Variants in BANP observed in about 807,000 individuals in gnomAD.
BANP encodes BTG3 associated nuclear protein.
Under a neutral mutation model 68.1 loss-of-function variants are expected in BANP, and 11 were observed. The ratio of observed to expected loss-of-function variants is 0.16; its 90% CI spans 0.10 to 0.27. BANP has a LOEUF of 0.27. Among genes scored for constraint, BANP ranks in the 10% least tolerant of loss-of-function variants. The pLI is 1.00. For synonymous variants in BANP, 329 were observed against 303.2 expected, an observed-to-expected ratio of 1.09 and a Z score of -0.88; for missense variants, 504 against 722.7, an observed-to-expected ratio of 0.70 and a Z score of 3.47.
At chr16:87,971,307 C>T (rs2061079304) in intron 1 of BANP, among the ~76,000 whole-genome samples, 1 of 152,128 alleles carries the variant, frequency 6.6e-6, no homozygotes, top group Admixed American at 6.5e-5. Flanking sequence ...GCTCCGCTAG[C>T]CGCTCTTCCC....
chr16:88,037,436 T>C (rs1353958366), intron 10 of BANP: 4 of 154,410 alleles, frequency 2.6e-5, no homozygotes, highest in African/African-American at 9.6e-5. Flanking sequence ...ACAGGATATC[T>C]GCAAATAAAC....
chr16:87,968,497 A>T (rs2060516619), intron 1 of BANP, among the ~76,000 whole-genome samples: 1 of 151,304 alleles, frequency 6.6e-6, no homozygotes, highest in South Asian at 2.1e-4. Context: ...AAAAAAAAAA[A>T]ATAAGTTTAG....
chr16:88,075,930 G>T (rs1377589934), intron 13 of BANP, among the ~76,000 whole-genome samples: 2 of 151,786 alleles, frequency 1.3e-5, no homozygotes, highest in African/African-American at 4.8e-5. Flanking sequence ...ATTTATTGTA[G>T]AGACGAGGTT....
chr16:88,006,305 C>A, intron 6 of BANP, 40 bp downstream of exon 6: 2 of 1,537,912 alleles, frequency 1.3e-6, no homozygotes, highest in South Asian at 1.2e-5. Flanking sequence ...AGCGCCAGTA[C>A]AATTGTTTGT....
At chr16:88,054,309 A>C (rs2084362585) in intron 11 of BANP, among the ~76,000 whole-genome samples, 2 of 82,412 alleles carry the variant, frequency 2.4e-5, no homozygotes, top group African/African-American at 3.9e-5. Context: ...TCACCAACAC[A>C]ACCACCTTCA....
At chr16:88,075,208 T>C (rs945680897) in intron 13 of BANP, among the ~76,000 whole-genome samples, 1 of 152,062 alleles carries the variant, frequency 6.6e-6, no homozygotes, top group African/African-American at 2.4e-5. Context: ...TAGCCAGGCA[T>C]GGTGGCAGGT....
chr16:88,045,334 T>C (rs1366968348), intron 11 of BANP, among the ~76,000 whole-genome samples: 1 of 152,246 alleles, frequency 6.6e-6, no homozygotes, highest in Non-Finnish European at 1.5e-5. Flanking sequence ...CATGCCCCTC[T>C]ACGCCATCCA....
chr16:88,012,941 C>T (rs1195112527), intron 6 of BANP, among the ~76,000 whole-genome samples: 1 of 151,810 alleles, frequency 6.6e-6, no homozygotes, highest in Admixed American at 6.5e-5. Context: ...TTCCCTTTTT[C>T]CCGACAGTAG....
intron 1 of BANP, among the ~76,000 whole-genome samples, chr16:87,955,545 G>A (rs1026275781): frequency 2.0e-5 from 3 of 152,180 alleles, no homozygotes; most frequent in Non-Finnish European, 4.4e-5. Flanking sequence ...TCGAACTTCG[G>A]TTTTGCACCA....
At chr16:88,058,668 C>T (rs1293603701) in intron 11 of BANP, among the ~76,000 whole-genome samples, 1 of 152,094 alleles carries the variant, frequency 6.6e-6, no homozygotes, top group East Asian at 1.9e-4. Flanking sequence ...GTGTGTCCTG[C>T]CCCGGGGTTT....
intron 11 of BANP, among the ~76,000 whole-genome samples, chr16:88,055,833 C>T (rs1481941589): frequency 1.3e-5 from 2 of 152,072 alleles, no homozygotes; most frequent in African/African-American, 2.4e-5. Flanking sequence ...CATGCCAAAA[C>T]ACAAGCAGAA....
At position 87,995,540 on chromosome 16, in the gene BANP, T is replaced by C. The variant is rs73244811; in HGVS notation, c.363-8755T>C. On this transcript the variant is annotated intron_variant, in intron 4 of 13. Coordinates refer to ENST00000682872, the MANE Select transcript of BANP (RefSeq NM_001386991.1). ...AAATACTTTTCCTTGAGAGAATTCA[T>C]AAAAATTAGAAAAGTAGTATCAGCT... is the stretch of plus-strand genomic sequence containing the variant. Among the ~76,000 whole-genome samples, 1,507 of 152,338 alleles carry C rather than the reference T, an allele frequency of 9.9e-3. 19 individuals are homozygous for C. Among genetic ancestry groups the C allele is most frequent in the African/African-American group, 0.034 (1,395 of 41,564 alleles).
chr16:88,064,587 C>G lies in BANP; in HGVS notation c.1312-680C>G, dbSNP rs1247917724. 2.0e-5 allele frequency among the ~76,000 whole-genome samples: 3 copies of G among 152,242 alleles called. No individual in the cohort carries two copies. The highest frequency in any genetic ancestry group is 7.2e-5 in the African/African-American group (3 of 41,466). ...GAGGAGAGGGCATCGCCAGGCTGGG[C>G]GCCTGTGTGGCACCACGTGGCACTC... On this transcript the variant is annotated intron_variant, in intron 11 of 13. Transcript: ENST00000682872. The surrounding 1 kb of genome is among the most constrained non-coding windows in gnomAD (Gnocchi z 4.5).
At chr16:88,021,016 G>A (rs775959597) in intron 7 of BANP, among the ~76,000 whole-genome samples, 14 of 152,308 alleles carry the variant, frequency 9.2e-5, no homozygotes, top group African/African-American at 1.7e-4. Context: ...GATTCCTTGC[G>A]TGTTGTGGCT....
chr16:87,949,781 C>G (rs1438524494), upstream of BANP: 1 of 152,102 alleles, frequency 6.6e-6, no homozygotes, highest in Non-Finnish European at 1.5e-5. Context: ...CCCAAGGTCG[C>G]ATAGCCCATG....
chr16:88,072,645 G>T (rs1246494607), intron 13 of BANP, among the ~76,000 whole-genome samples: 3 of 152,264 alleles, frequency 2.0e-5, no homozygotes, highest in African/African-American at 7.2e-5. Context: ...CAAAGCGCAG[G>T]GCTGCTGTGC....
At chr16:87,963,274 G>A (rs1039061784) in intron 1 of BANP, 2 of 152,348 alleles carry the variant, frequency 1.3e-5, no homozygotes, top group African/African-American at 4.8e-5. Context: ...CGCGCTGTGA[G>A]CTTATTGTTC....
At chr16:88,055,269 T>C (rs1430945424) in intron 11 of BANP, among the ~76,000 whole-genome samples, 1 of 152,090 alleles carries the variant, frequency 6.6e-6, no homozygotes, top group East Asian at 1.9e-4. Context: ...CTGTAATCCA[T>C]ACACCCACCC....
intron 11 of BANP, among the ~76,000 whole-genome samples, chr16:88,051,461 T>C (rs1374092604): frequency 1.3e-5 from 2 of 152,216 alleles, no homozygotes; most frequent in African/African-American, 4.8e-5. Flanking sequence ...CATGCCTCCT[T>C]CGGGCTCAGC....
Sources: gnomAD v4.1 joint callset for allele counts (sites outside exome capture counted in the v4.1 genomes callset) on GRCh38, gnomAD v4.1.1 for gene constraint, Gnocchi (gnomAD v3.1) non-coding constraint, MANE v1.5 for transcripts, NCBI Gene and HGNC (gene_info 2026-07-23, HGNC 2026-07-21) for gene names.